The following SCN9A variants were observed in gnomAD, a reference collection of about 807,000 sequenced individuals.
The protein encoded by SCN9A is sodium channel protein type 9 subunit alpha.
In SCN9A, 131 loss-of-function variants were observed where a neutral mutation model predicts 187.0. The observed-to-expected ratio is 0.70, with a 90% CI of 0.61 to 0.81. The LOEUF (loss-of-function observed/expected upper bound fraction) is 0.81. Among genes scored for constraint, SCN9A ranks in the 30% least tolerant of loss-of-function variants. The pLI, the probability that SCN9A is intolerant of heterozygous loss-of-function variation, is 0.00. For synonymous variants in SCN9A, 809 were observed against 808.6 expected (o/e 1.00, Z -0.01); for missense variants, 2,252 against 2,396.6 (o/e 0.94, Z 1.26).
At chr2:166,296,062 T>C (rs1332067388) in intron 7 of SCN9A, 1 of 152,176 alleles carries the variant, frequency 6.6e-6, no homozygotes, top group Non-Finnish European at 1.5e-5. Context: ...ACTTTTGGAG[T>C]AATCATGGAA....
chr2:166,363,740 A>C (rs1317407192), intron 1 of SCN9A, among the ~76,000 whole-genome samples: 2 of 152,044 alleles, frequency 1.3e-5, no homozygotes, highest in Admixed American at 1.3e-4. Flanking sequence ...TTAGAACTGT[A>C]AATTTCTAAG....
chr2:166,204,625 T>A (rs1693710549), intron 24 of SCN9A, 161 bp from the exon 25 acceptor site: 2 of 423,298 alleles, frequency 4.7e-6, no homozygotes, highest in East Asian at 3.6e-5. Context: ...AATAATTACA[T>A]ATGTGTAGAA....
At chr2:166,312,816 C>CT (rs35595054) in intron 1 of SCN9A, among the ~76,000 whole-genome samples, 78,644 of 145,834 alleles carry the variant, frequency 0.54, 22,255 homozygotes, top group African/African-American at 0.71. Flanking sequence ...TGAAAGAAAT[C>CT]TTTTTTTTTT....
At chr2:166,274,308 TATC>T (rs1175446584) in intron 16 of SCN9A, among the ~76,000 whole-genome samples, 2 of 152,188 alleles carry the variant, frequency 1.3e-5, no homozygotes, top group Non-Finnish European at 2.9e-5. Context: ...ATCTTTGTAT[TATC>T]ATGTTAAACA....
rs375148119 is a variant in SCN9A, at chr2:166,288,541, C to T, written c.1210G>A (p.Ala404Thr). Residue 404 changes from alanine (A) to threonine (T), a missense_variant, in exon 10 of 27, where the codon GCA (alanine) becomes ACA (threonine). By Grantham distance (58) the Ala-to-Thr change is moderately conservative. Transcript: ENST00000642356. ...TTTGCCTGGTTCTGTTCTTCATATG[C>T]CATGGCAACCACAGCCAGGATCAAG... ...INLILAVVAM[A>T]YEEQNQANIE... 5 of 1,612,746 alleles carry T rather than the reference C, an allele frequency of 3.1e-6. No individual in the cohort carries two copies. The highest frequency in any genetic ancestry group is 1.3e-5 in the African/African-American group (1 of 74,842).
In SCN9A at chr2:166,195,577, A is replaced by G. The variant is rs1693222818; in HGVS notation, c.*3095T>C. The G allele has an allele frequency of 6.6e-6, 1 of 152,060 alleles. No homozygotes were observed. Among genetic ancestry groups the G allele is most frequent in the Admixed American group, 6.6e-5 (1 of 15,262 alleles). The allele number at this position is 152,060 out of a possible 1,614,324, so 9.4% of individuals were successfully genotyped here. ...ACTGCTTTATTTACATATGCATTTT[A>G]TTTTCACTCTTTTTAATAAAGCTAT... On this transcript the variant is annotated 3_prime_UTR_variant, in exon 27 of 27. Transcript: ENST00000642356.
chr2:166,291,684 AC>A (rs1394333387), intron 9 of SCN9A, among the ~76,000 whole-genome samples: 2 of 152,226 alleles, frequency 1.3e-5, no homozygotes, highest in Non-Finnish European at 2.9e-5. Flanking sequence ...CTATGAGGTT[AC>A]AGTAACCAAA....
At chr2:166,294,732 A>G in intron 7 of SCN9A, 70 bp from the exon 8 acceptor site, 3 of 1,032,488 alleles carry the variant, frequency 2.9e-6, no homozygotes, top group Non-Finnish European at 4.3e-6. Flanking sequence ...AAGGAGGTAA[A>G]TTAATTGATA....
chr2:166,336,878 T>C (rs1375445469), intron 1 of SCN9A, among the ~76,000 whole-genome samples: 3 of 152,090 alleles, frequency 2.0e-5, no homozygotes, highest in African/African-American at 4.8e-5. Context: ...CACTAACTCA[T>C]TGGAAAATAT....
intron 17 of SCN9A, among the ~76,000 whole-genome samples, chr2:166,265,895 T>C (rs1237955244): frequency 2.0e-5 from 3 of 151,946 alleles, no homozygotes; most frequent in African/African-American, 7.2e-5. Context: ...CTTTTGTCCA[T>C]TTTTGAATTA....
At chr2:166,255,268 C>G (rs928484831) in intron 17 of SCN9A, among the ~76,000 whole-genome samples, 3 of 151,374 alleles carry the variant, frequency 2.0e-5, no homozygotes, top group Non-Finnish European at 4.4e-5. Flanking sequence ...AAAATATGTC[C>G]AAATTAAAAG....
chr2:166,206,319 G>C (rs1423356198), intron 24 of SCN9A, among the ~76,000 whole-genome samples: 2 of 152,132 alleles, frequency 1.3e-5, no homozygotes, highest in Admixed American at 6.6e-5. Context: ...ATACACCATG[G>C]AATACTATGC....
intron 1 of SCN9A, among the ~76,000 whole-genome samples, chr2:166,363,195 T>C (rs1324006218): frequency 1.3e-5 from 2 of 152,086 alleles, no homozygotes; most frequent in Non-Finnish European, 2.9e-5. Flanking sequence ...ATTTTTGAAC[T>C]TGCTTTATTA....
At chr2:166,255,687 A>C (rs1213518825) in intron 17 of SCN9A, among the ~76,000 whole-genome samples, 4 of 49,560 alleles carry the variant, frequency 8.1e-5, no homozygotes, top group African/African-American at 2.5e-4. Flanking sequence ...TTTGCTTCAC[A>C]CAACAAAAAA....
chr2:166,297,305 T>C (rs193022098), intron 7 of SCN9A, among the ~76,000 whole-genome samples: 1 of 150,704 alleles, frequency 6.6e-6, no homozygotes, highest in Non-Finnish European at 1.5e-5. Flanking sequence ...CAAAAACTTG[T>C]ACATGAATGT....
At chr2:166,297,632 A>G (rs1698375852) in intron 7 of SCN9A, among the ~76,000 whole-genome samples, 2 of 151,726 alleles carry the variant, frequency 1.3e-5, no homozygotes, top group Admixed American at 1.3e-4. Context: ...GGGAATGACT[A>G]CTAACGGGCC....
chr2:166,231,186 G>C (rs1336030781), intron 21 of SCN9A, among the ~76,000 whole-genome samples: 1 of 152,188 alleles, frequency 6.6e-6, no homozygotes, highest in Non-Finnish European at 1.5e-5. Flanking sequence ...GGGGAAAGTT[G>C]TGATAGATTG....
intron 24 of SCN9A, among the ~76,000 whole-genome samples, chr2:166,220,846 A>G (rs1304646655): frequency 6.6e-6 from 1 of 151,480 alleles, no homozygotes; most frequent in Non-Finnish European, 1.5e-5. Flanking sequence ...CAAGTAAAAG[A>G]CATCCCAATC....
intron 20 of SCN9A, among the ~76,000 whole-genome samples, chr2:166,234,007 A>G (rs764011313): frequency 1.4e-4 from 22 of 152,164 alleles, no homozygotes; most frequent in Non-Finnish European, 2.4e-4. Flanking sequence ...GATCTACCAA[A>G]TAGTTTTTCA....
Sources: allele counts gnomAD v4.1 joint callset (sites outside exome capture counted in the v4.1 genomes callset), GRCh38; gene constraint gnomAD v4.1.1; transcripts MANE v1.5; gene names NCBI Gene and HGNC (gene_info 2026-07-23, HGNC 2026-07-21).